The following CEP63 variants were observed in gnomAD, a reference collection of about 807,000 sequenced individuals.
The protein encoded by CEP63 is centrosomal protein of 63 kDa.
In CEP63, 84 loss-of-function variants were observed where a neutral mutation model predicts 89.1. That is an observed-to-expected ratio of 0.94 (90% confidence interval 0.79 to 1.13). CEP63 has a LOEUF of 1.13. Ranked by LOEUF, CEP63 falls within the 50% of genes most tolerant of loss-of-function variation. The pLI is 0.00. For missense variants in CEP63, 838 were observed against 813.3 expected (o/e 1.03, Z -0.37); for synonymous variants, 267 against 272.5 (o/e 0.98, Z 0.20).
downstream of CEP63, among the ~76,000 whole-genome samples, chr3:134,569,365 T>C (rs1957925369): frequency 6.6e-6 from 1 of 152,264 alleles, no homozygotes; most frequent in African/African-American, 2.4e-5. Context: ...AGTTAATTAC[T>C]TCTCAGATAC....
chr3:134,635,263 G>A, the CEP63 span, among the ~76,000 whole-genome samples: 10 of 152,116 alleles, frequency 6.6e-5, no homozygotes, highest in Non-Finnish European at 1.2e-4. Context: ...TTGGGAGGCC[G>A]AGGTGGGTGG....
chr3:134,707,739 CTTTTTTTTT>C, the CEP63 span, among the ~76,000 whole-genome samples: 2 of 120,456 alleles, frequency 1.7e-5, no homozygotes, highest in Non-Finnish European at 3.3e-5. Context: ...TGATTCTTTT[CTTTTTTTTT>C]TTTTTTTTGG....
the CEP63 span, among the ~76,000 whole-genome samples, chr3:134,659,275 T>C: frequency 6.6e-6 from 1 of 152,178 alleles, no homozygotes; most frequent in Non-Finnish European, 1.5e-5. Flanking sequence ...GCTATTGAAA[T>C]GCCCCTTGCA....
chr3:134,685,806 A>T, the CEP63 span, among the ~76,000 whole-genome samples: 2 of 152,202 alleles, frequency 1.3e-5, no homozygotes, highest in Non-Finnish European at 2.9e-5. Context: ...TCGTGTACAC[A>T]AAGGATGAGA....
chr3:134,646,926 T>G, the CEP63 span, among the ~76,000 whole-genome samples: 1 of 152,136 alleles, frequency 6.6e-6, no homozygotes, highest in African/African-American at 2.4e-5. Flanking sequence ...ATCCTGGGCC[T>G]GGGGTGGCAG....
At chr3:134,700,888 G>C in the CEP63 span, among the ~76,000 whole-genome samples, 1 of 152,120 alleles carries the variant, frequency 6.6e-6, no homozygotes, top group African/African-American at 2.4e-5. Flanking sequence ...CCCATCAGAG[G>C]TGTGTTGCTC....
At chr3:134,620,965 TGGA>T in the CEP63 span, 1 of 713,388 alleles carries the variant, frequency 1.4e-6, no homozygotes, top group Non-Finnish European at 2.5e-6. Context: ...GCAGAGAAGC[TGGA>T]GGAGAGGTCC....
At chr3:134,757,896 G>A in the CEP63 span, among the ~76,000 whole-genome samples, 1 of 152,122 alleles carries the variant, frequency 6.6e-6, no homozygotes, top group Non-Finnish European at 1.5e-5. Flanking sequence ...AATTTGGGGG[G>A]AATGGAAAGC....
chr3:134,545,938 G>A, intron 7 of CEP63, 119 bp downstream of exon 7: 3 of 848,454 alleles, frequency 3.5e-6, no homozygotes, highest in Admixed American at 5.4e-5. Context: ...ATAAATGATG[G>A]ATCAGATATT....
At chr3:134,732,546 A>G in the CEP63 span, among the ~76,000 whole-genome samples, 1 of 152,162 alleles carries the variant, frequency 6.6e-6, no homozygotes, top group East Asian at 1.9e-4. Context: ...GAAGAAATAC[A>G]TTTGAATGAA....
the CEP63 span, among the ~76,000 whole-genome samples, chr3:134,683,642 T>G: frequency 0.76 from 114,632 of 151,692 alleles, 43,685 homozygotes; most frequent in East Asian, 0.94. Context: ...CCAGGACACT[T>G]GTTTCAGACA....
the CEP63 span, among the ~76,000 whole-genome samples, chr3:134,618,694 G>T: frequency 6.6e-6 from 1 of 152,182 alleles, no homozygotes; most frequent in African/African-American, 2.4e-5. Context: ...TAGCCGCTTC[G>T]TAGTGATTCA....
At chr3:134,581,821 G>T (rs1958359054) in intron 10 of CEP63, among the ~76,000 whole-genome samples, 1 of 148,974 alleles carries the variant, frequency 6.7e-6, no homozygotes, top group African/African-American at 2.5e-5. Context: ...GACTACAGGC[G>T]CCCGCTACCA....
the CEP63 span, among the ~76,000 whole-genome samples, chr3:134,701,275 C>CGT: frequency 1.7e-4 from 5 of 30,160 alleles, no homozygotes; most frequent in African/African-American, 4.9e-4. Flanking sequence ...TACATATACA[C>CGT]ACATATATAC....
chr3:134,724,082 C>A, the CEP63 span, among the ~76,000 whole-genome samples: 1 of 152,130 alleles, frequency 6.6e-6, no homozygotes, highest in Non-Finnish European at 1.5e-5. Flanking sequence ...TATTATCCAC[C>A]AGCAGAGGCT....
chr3:134,683,141 G>A, the CEP63 span, among the ~76,000 whole-genome samples: 1 of 152,204 alleles, frequency 6.6e-6, no homozygotes, highest in Non-Finnish European at 1.5e-5. Flanking sequence ...GAAGAAATTA[G>A]CAAATGACAT....
At chr3:134,757,078 T>C in the CEP63 span, among the ~76,000 whole-genome samples, 4 of 152,248 alleles carry the variant, frequency 2.6e-5, no homozygotes, top group African/African-American at 7.2e-5. Context: ...CATGTTCCCA[T>C]GGAGATATCA....
At chr3:134,678,142 G>C in the CEP63 span, among the ~76,000 whole-genome samples, 1 of 152,020 alleles carries the variant, frequency 6.6e-6, no homozygotes, top group Non-Finnish European at 1.5e-5. Context: ...TGCTCATGCT[G>C]TGCTCCTCCA....
At chr3:134,611,119 G>A in the CEP63 span, among the ~76,000 whole-genome samples, 1 of 152,180 alleles carries the variant, frequency 6.6e-6, no homozygotes, top group East Asian at 1.9e-4. Flanking sequence ...GCCTGCCCTG[G>A]CCACAATTCT....
Sources: gnomAD v4.1 joint callset for allele counts (sites outside exome capture counted in the v4.1 genomes callset) on GRCh38, gnomAD v4.1.1 for gene constraint, MANE v1.5 for transcripts, NCBI Gene and HGNC (gene_info 2026-07-23, HGNC 2026-07-21) for gene names.